The following RGS21 variants were observed in gnomAD, a reference collection of about 807,000 sequenced individuals.
The protein encoded by RGS21 is regulator of G protein signaling 21, also known as regulator of G-protein signalling 21.
RGS21 carries 19 observed loss-of-function variants against 18.7 expected under a neutral mutation model. The ratio of observed to expected loss-of-function variants is 1.01; its 90% CI spans 0.71 to 1.49. The LOEUF (loss-of-function observed/expected upper bound fraction) is 1.49. Ranked by LOEUF, RGS21 falls within the 40% of genes most tolerant of loss-of-function variation. RGS21 has a pLI of 0.00. For missense variants in RGS21, 194 were observed against 176.8 expected (o/e 1.10, Z -0.55); for synonymous variants, 56 against 57.8 (o/e 0.97, Z 0.14).
chr1:192,323,698 T>G (rs1300465900), intron 1 of RGS21, among the ~76,000 whole-genome samples: 6 of 152,018 alleles, frequency 3.9e-5, no homozygotes, highest in Non-Finnish European at 5.9e-5. Context: ...GATAATAAGC[T>G]CAGAAGAAGG....
intron 1 of RGS21, among the ~76,000 whole-genome samples, chr1:192,336,573 T>G (rs1229121708): frequency 6.6e-6 from 1 of 152,202 alleles, no homozygotes; most frequent in Non-Finnish European, 1.5e-5. Flanking sequence ...CTTCCTGCCT[T>G]CTTTATACTG....
At chr1:192,334,028 T>G (rs918190502) in intron 1 of RGS21, among the ~76,000 whole-genome samples, 2 of 152,156 alleles carry the variant, frequency 1.3e-5, no homozygotes, top group Non-Finnish European at 2.9e-5. Context: ...TTATTAATCC[T>G]TTGGAAAAAG....
intron 1 of RGS21, among the ~76,000 whole-genome samples, chr1:192,331,334 A>G (rs1057410335): frequency 1.3e-5 from 2 of 152,090 alleles, no homozygotes; most frequent in Admixed American, 6.6e-5. Context: ...CAGGCAGATC[A>G]TGAGGTCAGG....
chr1:192,342,923 G>T lies in RGS21; in HGVS notation c.-60-54G>T, dbSNP rs183262537. 1.3e-4 allele frequency: 131 copies of T among 999,676 alleles called. No individual in the cohort carries two copies. In the East Asian group the frequency reaches 3.1e-3, roughly 24 times the overall value. The allele number at this position is 999,676 out of a possible 1,614,324, so 61.9% of individuals were successfully genotyped here. A position where few individuals can be genotyped will look rare whatever the true frequency, so the allele number is the denominator to read the frequency against. ...TAAAGAATGCCAATTTGTAACCCAGGGGATAGGTATTCGCATACTAATTGT... is the reference window on the plus strand; with the variant it reads ...TAAAGAATGCCAATTTGTAACCCAGTGGATAGGTATTCGCATACTAATTGT... On this transcript the variant is annotated intron_variant, in intron 1 of 4. Coordinates refer to ENST00000417209, the MANE Select transcript of RGS21 (RefSeq NM_001039152.3).
intron 1 of RGS21, among the ~76,000 whole-genome samples, chr1:192,332,052 A>G (rs1451028674): frequency 2.0e-5 from 3 of 152,164 alleles, no homozygotes; most frequent in Non-Finnish European, 4.4e-5. Flanking sequence ...ATAAAGAAGT[A>G]AAATTCAGGA....
rs1317032727 is a variant in RGS21 at position 192,352,220 on chromosome 1, GA to G, written c.255+9del. The G allele has an allele frequency of 6.3e-7, 1 of 1,595,022 alleles. No homozygotes were observed. The highest frequency in any genetic ancestry group is 8.5e-7 in the Non-Finnish European group (1 of 1,171,378). On this transcript the variant is annotated splice_region_variant and intron_variant, in intron 4 of 4. Transcript: ENST00000417209. ...AGCTGATGCACCTAAAGAGGTGAGT[GA>G]ACTACTTCAGAACAGTGAAGAGTCA...
At chr1:192,318,090 T>C (rs1658444364) in intron 1 of RGS21, among the ~76,000 whole-genome samples, 1 of 152,068 alleles carries the variant, frequency 6.6e-6, no homozygotes, top group African/African-American at 2.4e-5. Flanking sequence ...AAAATATTAG[T>C]AAATATTAAT....
intron 4 of RGS21, among the ~76,000 whole-genome samples, chr1:192,364,899 G>A (rs866907918): frequency 3.9e-5 from 6 of 151,952 alleles, no homozygotes; most frequent in Admixed American, 1.3e-4. Context: ...GTGGGAGGCC[G>A]AGGCAGGCAG....
chr1:192,335,806 A>T (rs1658758325), intron 1 of RGS21, among the ~76,000 whole-genome samples: 1 of 152,196 alleles, frequency 6.6e-6, no homozygotes, highest in Non-Finnish European at 1.5e-5. Context: ...TTTCATGAAC[A>T]GAAGTAGTTA....
rs528949576 is a variant in RGS21 at position 192,337,090 on chromosome 1, C to T, written c.-60-5887C>T. Among the ~76,000 whole-genome samples the T allele has an allele frequency of 1.5e-4, 23 of 151,816 alleles. 1 individual carries two copies. The highest frequency in any genetic ancestry group is 2.5e-4 in the Non-Finnish European group (17 of 67,942). ...AGCCATTCCCTTATAAAATAGTCAA[C>T]GATCTTGTATGCTATACTTAAAATG... On this transcript the variant is annotated intron_variant, in intron 1 of 4. Transcript: ENST00000417209.
chr1:192,342,745 G>GA (rs1445567215), intron 1 of RGS21, among the ~76,000 whole-genome samples: 1 of 151,890 alleles, frequency 6.6e-6, no homozygotes, highest in African/African-American at 2.4e-5. Context: ...ATGAACTTCA[G>GA]AAAAAACTTT....
chr1:192,341,117 C>A (rs12087502), intron 1 of RGS21, among the ~76,000 whole-genome samples: 3 of 151,748 alleles, frequency 2.0e-5, no homozygotes, highest in African/African-American at 7.3e-5. Context: ...CACCTACGTT[C>A]CTTGGCTCTT....
chr1:192,348,024 T>TGTA (rs1487441371), intron 3 of RGS21, among the ~76,000 whole-genome samples: 15 of 120,896 alleles, frequency 1.2e-4, no homozygotes, highest in Admixed American at 4.6e-4. Context: ...ATATATGTAT[T>TGTA]TTTTTTTTTT....
At chr1:192,340,937 G>A (rs1658850199) in intron 1 of RGS21, among the ~76,000 whole-genome samples, 1 of 152,024 alleles carries the variant, frequency 6.6e-6, no homozygotes, top group South Asian at 2.1e-4. Context: ...GAGAATTATG[G>A]GAGCTACAAT....
intron 1 of RGS21, among the ~76,000 whole-genome samples, chr1:192,339,057 T>A (rs890994200): frequency 6.6e-6 from 1 of 152,096 alleles, no homozygotes; most frequent in Non-Finnish European, 1.5e-5. Context: ...TCTCATAGAA[T>A]AATAACCAAG....
At chr1:192,320,671 A>G (rs976261976) in intron 1 of RGS21, among the ~76,000 whole-genome samples, 1 of 152,052 alleles carries the variant, frequency 6.6e-6, no homozygotes, top group African/African-American at 2.4e-5. Context: ...TTGCTTGAAC[A>G]TGACTTTTAT....
intron 1 of RGS21, among the ~76,000 whole-genome samples, chr1:192,319,205 G>GCAC (rs1658461889): frequency 6.6e-6 from 1 of 152,108 alleles, no homozygotes; most frequent in Admixed American, 6.6e-5. Flanking sequence ...AGCTATGATT[G>GCAC]CACCACTGCG....
At chr1:192,338,238 T>C (rs1658801968) in intron 1 of RGS21, among the ~76,000 whole-genome samples, 1 of 152,138 alleles carries the variant, frequency 6.6e-6, no homozygotes, top group African/African-American at 2.4e-5. Flanking sequence ...CTCAGGCTCA[T>C]TGCTTTATAA....
At chr1:192,330,373 T>C (rs1187433947) in intron 1 of RGS21, among the ~76,000 whole-genome samples, 1 of 152,138 alleles carries the variant, frequency 6.6e-6, no homozygotes, top group Admixed American at 6.5e-5. Flanking sequence ...TATGAAATGG[T>C]TCAGAATTCA....
Sources: gnomAD v4.1 joint callset for allele counts (sites outside exome capture counted in the v4.1 genomes callset) on GRCh38, gnomAD v4.1.1 for gene constraint, MANE v1.5 for transcripts, NCBI Gene and HGNC (gene_info 2026-07-23, HGNC 2026-07-21) for gene names.